Variants in NWD2 observed in about 807,000 individuals in gnomAD.
The protein encoded by NWD2 is NACHT and WD repeat domain containing 2, also known as NACHT and WD repeat domain-containing protein 2.
A neutral mutation model predicts 132.7 loss-of-function variants in NWD2; 37 were observed. That is an observed-to-expected ratio of 0.28 (90% CI 0.21 to 0.37). The LOEUF (loss-of-function observed/expected upper bound fraction) is 0.37. Among genes scored for constraint, NWD2 ranks in the 10% least tolerant of loss-of-function variants. The pLI is 1.00. For synonymous variants in NWD2, 705 were observed against 803.0 expected (o/e 0.88, Z 2.06); for missense variants, 1,592 against 2,122.4 (o/e 0.75, Z 4.91).
intron 1 of NWD2, among the ~76,000 whole-genome samples, chr4:37,310,790 C>T (rs1280399590): frequency 9.2e-6 from 1 of 109,036 alleles, no homozygotes; most frequent in South Asian, 4.1e-4. Flanking sequence ...CCCCTCCCCC[C>T]ACCCCACAAC....
intron 1 of NWD2, among the ~76,000 whole-genome samples, chr4:37,261,285 C>G (rs1193058574): frequency 6.6e-6 from 1 of 152,080 alleles, no homozygotes; most frequent in African/African-American, 2.4e-5. Flanking sequence ...CTTTGTTGCC[C>G]ACTCAATAGA....
Position 37,443,160 on chromosome 4 carries a change from T to C in NWD2, c.1297-125T>C. On this transcript the variant is annotated intron_variant, in intron 6 of 6. Coordinates refer to ENST00000309447, the MANE Select transcript of NWD2 (RefSeq NM_001144990.2). The surrounding 1 kb of genome is among the most constrained non-coding windows in gnomAD (Gnocchi z 4.1). ...CTTCTCAGAGGGTTTTTCCAATTTT[T>C]GGTCCTAAGCTATTTCCTGCACAGC... 3.7e-6 allele frequency: 3 copies of C among 806,780 alleles called. No homozygotes were observed. Among genetic ancestry groups the C allele is most frequent in the Non-Finnish European group, 5.6e-6 (3 of 531,122 alleles). 50.0% of individuals were successfully genotyped at this position (806,780 alleles called of 1,614,324 possible). A position where few individuals can be genotyped will look rare whatever the true frequency, so the allele number is the denominator to read the frequency against.
At chr4:37,375,129 C>G (rs1474659189) in intron 3 of NWD2, among the ~76,000 whole-genome samples, 1 of 152,164 alleles carries the variant, frequency 6.6e-6, no homozygotes, top group Non-Finnish European at 1.5e-5. Flanking sequence ...ATAAATTGTT[C>G]CATTGTGAAG....
At chr4:37,350,994 G>A (rs186277285) in intron 2 of NWD2, among the ~76,000 whole-genome samples, 37 of 151,912 alleles carry the variant, frequency 2.4e-4, no homozygotes, top group African/African-American at 8.9e-4. Flanking sequence ...ATTGATTTGT[G>A]TATGTTGAAC....
chr4:37,417,826 A>G (rs1257718726), intron 3 of NWD2, among the ~76,000 whole-genome samples: 1 of 152,178 alleles, frequency 6.6e-6, no homozygotes, highest in Non-Finnish European at 1.5e-5. Context: ...ATCCATGGTA[A>G]TGAGTCAAAG....
At chr4:37,272,497 T>C (rs990658842) in intron 1 of NWD2, among the ~76,000 whole-genome samples, 4 of 151,774 alleles carry the variant, frequency 2.6e-5, no homozygotes, top group Non-Finnish European at 5.9e-5. Context: ...TTGCAACAGT[T>C]CTGTTATATT....
chr4:37,422,843 G>A (rs555202545), intron 3 of NWD2, among the ~76,000 whole-genome samples: 8 of 152,232 alleles, frequency 5.3e-5, no homozygotes, highest in South Asian at 4.2e-4. Context: ...TACTAACCTC[G>A]AAATATTCTT....
At chr4:37,408,217 A>G (rs77582740) in intron 3 of NWD2, among the ~76,000 whole-genome samples, 11,029 of 149,842 alleles carry the variant, frequency 0.074, 764 homozygotes, top group African/African-American at 0.17. Flanking sequence ...GAAGCCAGGG[A>G]GCCAAGTGGT....
intron 1 of NWD2, among the ~76,000 whole-genome samples, chr4:37,276,431 G>A (rs1718015074): frequency 6.6e-6 from 1 of 152,152 alleles, no homozygotes; most frequent in African/African-American, 2.4e-5. Context: ...TCATTAAAAA[G>A]TCAGGAAACA....
At chr4:37,316,327 C>A (rs959245043) in intron 1 of NWD2, among the ~76,000 whole-genome samples, 4 of 152,050 alleles carry the variant, frequency 2.6e-5, no homozygotes, top group Non-Finnish European at 5.9e-5. Flanking sequence ...CTGGCTTCCA[C>A]TCCTTCTGAT....
At chr4:37,313,542 G>A (rs1718894991) in intron 1 of NWD2, among the ~76,000 whole-genome samples, 1 of 150,756 alleles carries the variant, frequency 6.6e-6, no homozygotes, top group South Asian at 2.1e-4. Flanking sequence ...AGTCTTGCTA[G>A]CGGTCTATCA....
At chr4:37,359,070 C>T (rs1383094818) in intron 3 of NWD2, among the ~76,000 whole-genome samples, 1 of 152,152 alleles carries the variant, frequency 6.6e-6, no homozygotes, top group Non-Finnish European at 1.5e-5. Flanking sequence ...GAGAGATGTT[C>T]TCCCCCTTTT....
At chr4:37,333,210 T>C (rs1719330257) in intron 2 of NWD2, among the ~76,000 whole-genome samples, 1 of 152,176 alleles carries the variant, frequency 6.6e-6, no homozygotes, top group Admixed American at 6.5e-5. Context: ...CATCACCACC[T>C]GCTGACTGTA....
intron 3 of NWD2, among the ~76,000 whole-genome samples, chr4:37,390,206 A>T (rs1314042782): frequency 6.6e-6 from 1 of 152,152 alleles, no homozygotes; most frequent in Non-Finnish European, 1.5e-5. Context: ...CAGTGTTTTT[A>T]TACTGAAATT....
chr4:37,305,429 G>A (rs972911821), intron 1 of NWD2, among the ~76,000 whole-genome samples: 1 of 152,000 alleles, frequency 6.6e-6, no homozygotes, highest in Non-Finnish European at 1.5e-5. Context: ...CTACATGGTC[G>A]GGCTGCAAAT....
At chr4:37,401,097 A>G (rs2109315390) in intron 3 of NWD2, among the ~76,000 whole-genome samples, 1 of 152,340 alleles carries the variant, frequency 6.6e-6, no homozygotes, top group African/African-American at 2.4e-5. Flanking sequence ...CTACTGATTA[A>G]ATTAAGGGCC....
chr4:37,357,798 A>G (rs900597606), intron 3 of NWD2, among the ~76,000 whole-genome samples: 3 of 152,140 alleles, frequency 2.0e-5, no homozygotes, highest in African/African-American at 7.2e-5. Context: ...AGAGAATACC[A>G]GCGAGGGGAG....
At chr4:37,435,799 G>T (rs1254667390) in intron 5 of NWD2, among the ~76,000 whole-genome samples, 1 of 152,096 alleles carries the variant, frequency 6.6e-6, no homozygotes, top group Non-Finnish European at 1.5e-5. Flanking sequence ...AGTGTTTTCT[G>T]CTTGGGGTTA....
intron 1 of NWD2, among the ~76,000 whole-genome samples, chr4:37,296,897 T>C (rs754933048): frequency 8.5e-5 from 13 of 152,172 alleles, no homozygotes; most frequent in Non-Finnish European, 1.6e-4. Context: ...TAGCCCTGTA[T>C]TTCTCCCAGG....
Sources: allele counts gnomAD v4.1 joint callset (sites outside exome capture counted in the v4.1 genomes callset), GRCh38; gene constraint gnomAD v4.1.1; non-coding constraint Gnocchi (gnomAD v3.1); transcripts MANE v1.5; gene names NCBI Gene and HGNC (gene_info 2026-07-23, HGNC 2026-07-21).